AMD1: variants seen among roughly 807,000 people sequenced by gnomAD.
The protein encoded by AMD1 is adenosylmethionine decarboxylase 1.
In AMD1, 11 loss-of-function variants were observed where a neutral mutation model predicts 40.2. That is an observed-to-expected ratio of 0.27 (90% CI 0.17 to 0.45). The LOEUF (loss-of-function observed/expected upper bound fraction) is 0.45, where lower values mean the gene tolerates loss of function less well. Ranked by LOEUF, AMD1 falls within the 20% of genes least tolerant of loss-of-function variation. The pLI, the probability that AMD1 is intolerant of heterozygous loss-of-function variation, is 1.00. For synonymous variants in AMD1, 121 were observed against 130.8 expected (o/e 0.93, Z 0.51); for missense variants, 257 against 410.2 (o/e 0.63, Z 3.23).
At chr6:110,878,981 CA>C in intron 1 of AMD1, among the ~76,000 whole-genome samples, 1 of 152,160 alleles carries the variant, frequency 6.6e-6, no homozygotes, top group East Asian at 1.9e-4. Flanking sequence ...AACCCGTTGC[CA>C]AAAAACCTTT....
upstream of AMD1, among the ~76,000 whole-genome samples, chr6:110,874,545 A>T (rs981943336): frequency 4.6e-5 from 7 of 151,966 alleles, no homozygotes; most frequent in East Asian, 3.9e-4. Flanking sequence ...CGAGGTTTCT[A>T]GTCCCCAGCT....
At chr6:110,819,114 T>G in the AMD1 span, among the ~76,000 whole-genome samples, 2 of 152,092 alleles carry the variant, frequency 1.3e-5, no homozygotes, top group Admixed American at 1.3e-4. Flanking sequence ...TCCCACCACT[T>G]TGGGAGGCCG....
chr6:110,893,654 A>T lies in AMD1; in HGVS notation c.*38A>T. On this transcript the variant is annotated 3_prime_UTR_variant, in exon 9 of 9. Transcript: ENST00000368885. ...AAGAAAAAACGCAAAAAGAGAACAC[A>T]TGTAGAAGGTGGTGGATGCTTTCTA... 1 of 1,601,256 alleles carries T rather than the reference A, an allele frequency of 6.2e-7. No individual in the cohort carries two copies. Among genetic ancestry groups the T allele is most frequent in the Non-Finnish European group, 8.5e-7 (1 of 1,177,376 alleles).
At chr6:110,826,264 A>G in the AMD1 span, among the ~76,000 whole-genome samples, 4 of 125,622 alleles carry the variant, frequency 3.2e-5, no homozygotes, top group Non-Finnish European at 6.5e-5. Context: ...AGAGGGAGAC[A>G]CCATCCCAAA....
At chr6:110,820,409 T>C in the AMD1 span, among the ~76,000 whole-genome samples, 1 of 151,872 alleles carries the variant, frequency 6.6e-6, no homozygotes, top group Non-Finnish European at 1.5e-5. Context: ...CCTAATTTTG[T>C]ATTTTCAGTA....
chr6:110,824,194 AG>A, the AMD1 span, among the ~76,000 whole-genome samples: 1 of 152,204 alleles, frequency 6.6e-6, no homozygotes, highest in African/African-American at 2.4e-5. Flanking sequence ...ACCAATGAAT[AG>A]ATAAGGAAAA....
At chr6:110,875,478 T>C (rs1012534194) in intron 1 of AMD1, 12 of 397,364 alleles carry the variant, frequency 3.0e-5, no homozygotes, top group Non-Finnish European at 5.0e-5. Flanking sequence ...GGCCGCGTGC[T>C]CAGGTAACGT....
chr6:110,861,775 G>A, the AMD1 span, among the ~76,000 whole-genome samples: 2 of 151,992 alleles, frequency 1.3e-5, no homozygotes, highest in African/African-American at 4.8e-5. Context: ...CTGGGAGGCT[G>A]AGGTTGCAGT....
chr6:110,887,528 A>G lies in AMD1; in HGVS notation c.134A>G (p.Lys45Arg). ...AGATCTGAGTGGGACATACTTTTGA[A>G]GGATGTGCAATGTTCAATCATAAGT... ...IPRSEWDILLKDVQCSIISVT... is the reference protein window; with the variant it reads ...IPRSEWDILLRDVQCSIISVT... Residue 45 changes from lysine to arginine, a missense_variant, in exon 2 of 9, where the codon AAG (lysine) becomes AGG (arginine). Coordinates refer to ENST00000368885, the MANE Select transcript of AMD1 (RefSeq NM_001634.6). The G allele has an allele frequency of 1.2e-6, 2 of 1,609,016 alleles. No individual in the cohort carries two copies. Among genetic ancestry groups the G allele is most frequent in the Non-Finnish European group, 1.7e-6 (2 of 1,178,144 alleles).
intron 2 of AMD1, 143 bp from the exon 3 acceptor site, chr6:110,888,714 A>G: frequency 5.3e-6 from 4 of 759,020 alleles, no homozygotes; most frequent in Non-Finnish European, 8.2e-6. Flanking sequence ...TAGAAAAGGA[A>G]AAGAATAATG....
chr6:110,843,288 C>A, the AMD1 span, among the ~76,000 whole-genome samples: 1 of 151,202 alleles, frequency 6.6e-6, no homozygotes, highest in African/African-American at 2.4e-5. Context: ...CATGGAGAAA[C>A]CCACCTCTAC....
chr6:110,884,783 C>T (rs1038396645), intron 1 of AMD1, among the ~76,000 whole-genome samples: 3 of 152,006 alleles, frequency 2.0e-5, no homozygotes, highest in African/African-American at 7.3e-5. Flanking sequence ...AGCCATGGAA[C>T]GTGTTTAAAA....
chr6:110,887,576 A>C lies in AMD1; in HGVS notation c.182A>C (p.Glu61Ala). ...AGTGTGACAAAAACTGACAAGCAGGAAGCTTATGTACTCAGGTAAGTCCTG... is the reference window on the plus strand; with the variant it reads ...AGTGTGACAAAAACTGACAAGCAGGCAGCTTATGTACTCAGGTAAGTCCTG... ...IISVTKTDKQ[E>A]AYVLSESSMF... The change falls in exon 2 of 9, where the codon GAA becomes GCA. Residue 61 changes from glutamate to alanine, a missense_variant. Around this residue, in one of 3 missense-constraint regions of AMD1, gnomAD observed 57 missense variants for 76.8 expected, o/e 0.74. Transcript: ENST00000368885. 1 of 1,607,874 alleles carries C rather than the reference A, an allele frequency of 6.2e-7. No homozygotes were observed.
chr6:110,850,645 T>C, the AMD1 span, among the ~76,000 whole-genome samples: 3 of 152,114 alleles, frequency 2.0e-5, no homozygotes, highest in Admixed American at 6.6e-5. Context: ...ACCTAGGAAA[T>C]TTGTGGGAAT....
chr6:110,893,274 T>A (rs946131990), intron 8 of AMD1, among the ~76,000 whole-genome samples: 8 of 152,206 alleles, frequency 5.3e-5, no homozygotes, highest in African/African-American at 1.9e-4. Context: ...GCCAAACTGA[T>A]GGGTTCCTCC....
At chr6:110,849,388 A>T in the AMD1 span, among the ~76,000 whole-genome samples, 1 of 152,244 alleles carries the variant, frequency 6.6e-6, no homozygotes, top group Non-Finnish European at 1.5e-5. Context: ...GTATATCCAT[A>T]TTAAAAGATG....
chr6:110,862,330 G>GT, the AMD1 span, among the ~76,000 whole-genome samples: 6,349 of 102,724 alleles, frequency 0.062, 359 homozygotes, highest in East Asian at 0.41. Flanking sequence ...TGATTGTTCT[G>GT]TTTTTTTTTT....
At chr6:110,860,256 C>A in the AMD1 span, among the ~76,000 whole-genome samples, 2 of 152,066 alleles carry the variant, frequency 1.3e-5, no homozygotes, top group South Asian at 4.2e-4. Flanking sequence ...AGGGGCCCTA[C>A]CCCATGAGAT....
the AMD1 span, among the ~76,000 whole-genome samples, chr6:110,863,371 C>CTT: frequency 2.3e-4 from 30 of 127,778 alleles, no homozygotes; most frequent in Middle Eastern, 4.5e-3. Flanking sequence ...ATTCTGCTTG[C>CTT]TTTTTTTTTT....
Sources: allele counts gnomAD v4.1 joint callset (sites outside exome capture counted in the v4.1 genomes callset), GRCh38; gene constraint gnomAD v4.1.1; regional missense constraint gnomAD v4.1.1; transcripts MANE v1.5; gene names NCBI Gene and HGNC (gene_info 2026-07-23, HGNC 2026-07-21).